The following PTPRD variants were observed in gnomAD, a reference collection of about 807,000 sequenced individuals.
PTPRD encodes receptor-type tyrosine-protein phosphatase delta.
In PTPRD, 34 loss-of-function variants were observed where a neutral mutation model predicts 214.5. The observed-to-expected ratio is 0.16, with a 90% CI of 0.12 to 0.21. The LOEUF (loss-of-function observed/expected upper bound fraction) is 0.21, where lower values mean the gene tolerates loss of function less well. PTPRD is among the 10% of genes least tolerant of loss of function. PTPRD has a pLI of 1.00. For missense variants in PTPRD, 2,545 were observed against 2,398.7 expected (o/e 1.06, Z -1.27); for synonymous variants, 1,128 against 845.7 (o/e 1.33, Z -5.79).
chr9:9,811,226 T>C (rs2047034224), intron 5 of PTPRD, among the ~76,000 whole-genome samples: 1 of 152,038 alleles, frequency 6.6e-6, no homozygotes, highest in Non-Finnish European at 1.5e-5. Flanking sequence ...TAAAAGCAGT[T>C]AGCAAGAGAT....
intron 4 of PTPRD, among the ~76,000 whole-genome samples, chr9:9,992,904 C>G (rs1289910469): frequency 6.6e-6 from 1 of 151,912 alleles, no homozygotes; most frequent in Non-Finnish European, 1.5e-5. Context: ...ACATATGTTA[C>G]AAACCTGCAC....
At chr9:9,449,864 G>C (rs1219956995) in intron 8 of PTPRD, among the ~76,000 whole-genome samples, 34 of 151,732 alleles carry the variant, frequency 2.2e-4, no homozygotes, top group Admixed American at 2.2e-3. Context: ...TACAATGTGT[G>C]GTCTTTTATC....
intron 3 of PTPRD, among the ~76,000 whole-genome samples, chr9:10,320,410 G>A (rs546332867): frequency 1.3e-5 from 2 of 152,058 alleles, no homozygotes; most frequent in East Asian, 3.9e-4. Flanking sequence ...TCTTGGCCAG[G>A]TTTCCTCCTA....
intron 12 of PTPRD, among the ~76,000 whole-genome samples, chr9:8,713,139 C>T (rs961479402): frequency 3.3e-5 from 5 of 152,164 alleles, no homozygotes; most frequent in African/African-American, 7.2e-5. Context: ...ACAACAACAA[C>T]GATAACAAAA....
At chr9:9,517,762 A>G (rs1427531923) in intron 8 of PTPRD, among the ~76,000 whole-genome samples, 1 of 152,034 alleles carries the variant, frequency 6.6e-6, no homozygotes, top group Non-Finnish European at 1.5e-5. Flanking sequence ...GTGCATATTA[A>G]TTGGTAATTA....
In PTPRD at chr9:10,608,111, C is replaced by CTACA. The variant is rs1444253117; in HGVS notation, c.-600+4283_-600+4286dup. 2.6e-5 allele frequency among the ~76,000 whole-genome samples: 4 copies of CTACA among 151,884 alleles called. No homozygotes were observed. The East Asian group carries it at 7.7e-4, about 29-fold the overall frequency. On this transcript the variant is annotated intron_variant, in intron 2 of 45. Coordinates refer to ENST00000381196, the MANE Select transcript of PTPRD (RefSeq NM_002839.4). ...TATGGTTCTTTCTAGCTCTTACAGTCTACATGTATGTAAGGAATAATATAT... is the reference window on the plus strand; with the variant it reads ...TATGGTTCTTTCTAGCTCTTACAGTCTACATACATGTATGTAAGGAATAATATAT...
At chr9:8,914,720 G>C (rs900074527) in intron 11 of PTPRD, among the ~76,000 whole-genome samples, 5 of 152,138 alleles carry the variant, frequency 3.3e-5, no homozygotes, top group African/African-American at 1.2e-4. Flanking sequence ...TAAACAATTT[G>C]AAGTGTACGT....
intron 5 of PTPRD, among the ~76,000 whole-genome samples, chr9:9,922,909 T>C (rs1237321101): frequency 2.6e-5 from 4 of 151,896 alleles, no homozygotes; most frequent in Non-Finnish European, 4.4e-5. Flanking sequence ...AGGAAAATCA[T>C]GCTATAAAGA....
At chr9:9,090,867 T>C (rs952757500) in intron 10 of PTPRD, 64 of 931,272 alleles carry the variant, frequency 6.9e-5, no homozygotes, top group Non-Finnish European at 1.1e-4. Context: ...AAAATTTCTT[T>C]AAATAGCTGT....
At chr9:8,511,514 G>T (rs918586430) in intron 21 of PTPRD, among the ~76,000 whole-genome samples, 1 of 150,966 alleles carries the variant, frequency 6.6e-6, no homozygotes, top group Non-Finnish European at 1.5e-5. Context: ...GTTTTTCTGT[G>T]TTGTAACATT....
At chr9:9,579,838 T>G (rs1169588023) in intron 7 of PTPRD, among the ~76,000 whole-genome samples, 1 of 152,148 alleles carries the variant, frequency 6.6e-6, no homozygotes, top group Non-Finnish European at 1.5e-5. Context: ...TAATTTGTCA[T>G]CATTCATCTC....
At chr9:8,488,557 T>C (rs983440275) in intron 27 of PTPRD, among the ~76,000 whole-genome samples, 2 of 152,184 alleles carry the variant, frequency 1.3e-5, no homozygotes, top group African/African-American at 2.4e-5. Flanking sequence ...TCAGGAAAAA[T>C]GCATCCAGAG....
intron 11 of PTPRD, among the ~76,000 whole-genome samples, chr9:8,991,151 G>A (rs1362642776): frequency 2.6e-5 from 4 of 151,304 alleles, no homozygotes; most frequent in African/African-American, 9.7e-5. Context: ...CACGGGAGGT[G>A]GAGGCTGCAG....
chr9:8,713,938 A>G, intron 12 of PTPRD: 1 of 660,484 alleles, frequency 1.5e-6, no homozygotes, highest in South Asian at 1.9e-5. Flanking sequence ...AACTTGGAGG[A>G]CCATGGTGAG....
At chr9:8,778,744 T>C (rs1346947473) in intron 11 of PTPRD, among the ~76,000 whole-genome samples, 3 of 152,190 alleles carry the variant, frequency 2.0e-5, no homozygotes, top group Non-Finnish European at 2.9e-5. Context: ...TGTTTCCCAC[T>C]TGTCCACTCT....
intron 2 of PTPRD, among the ~76,000 whole-genome samples, chr9:10,572,369 A>T (rs1207517139): frequency 6.6e-6 from 1 of 152,198 alleles, no homozygotes; most frequent in East Asian, 1.9e-4. Flanking sequence ...CCATTGTTTA[A>T]ACAAAAAGTG....
chr9:8,531,810 C>T (rs1056650828), intron 14 of PTPRD, among the ~76,000 whole-genome samples: 1 of 152,058 alleles, frequency 6.6e-6, no homozygotes, highest in Non-Finnish European at 1.5e-5. Flanking sequence ...GATTGTTAAG[C>T]CACTTACTAA....
chr9:8,939,968 T>A (rs1039029510), intron 11 of PTPRD, among the ~76,000 whole-genome samples: 1 of 151,994 alleles, frequency 6.6e-6, no homozygotes, highest in Non-Finnish European at 1.5e-5. Context: ...TCAGTTAATC[T>A]TTTTTTAACC....
intron 6 of PTPRD, among the ~76,000 whole-genome samples, chr9:9,741,097 C>T (rs942014996): frequency 1.3e-5 from 2 of 152,098 alleles, no homozygotes; most frequent in Non-Finnish European, 2.9e-5. Context: ...TTCACTAAAA[C>T]AAACCAATAT....
Sources: allele counts gnomAD v4.1 joint callset (sites outside exome capture counted in the v4.1 genomes callset), GRCh38; gene constraint gnomAD v4.1.1; transcripts MANE v1.5; gene names NCBI Gene and HGNC (gene_info 2026-07-23, HGNC 2026-07-21).